RCOR1: variants seen among roughly 807,000 people sequenced by gnomAD.
RCOR1 encodes REST corepressor 1, also known as REST corepressor.
RCOR1 carries 12 observed loss-of-function variants against 64.0 expected under a neutral mutation model. That is an observed-to-expected ratio of 0.19 (90% confidence interval 0.12 to 0.30). RCOR1 has a LOEUF of 0.30. Among genes scored for constraint, RCOR1 ranks in the 10% least tolerant of loss-of-function variants. The pLI is 1.00. For synonymous variants in RCOR1, 279 were observed against 227.2 expected (o/e 1.23, Z -2.05); for missense variants, 502 against 621.2 (o/e 0.81, Z 2.04).
At chr14:102,726,424 CTACTCTTTG>C in intron 11 of RCOR1, 35 bp from the exon 12 acceptor site, 2 of 1,433,558 alleles carry the variant, frequency 1.4e-6, no homozygotes, top group Non-Finnish European at 1.9e-6. Flanking sequence ...TGTTGTTTAC[CTACTCTTTG>C]ATCCTTTTTT....
chr14:102,631,244 CT>C (rs1894105345), intron 2 of RCOR1, among the ~76,000 whole-genome samples: 1 of 151,518 alleles, frequency 6.6e-6, no homozygotes. Context: ...GCTGTGTCGC[CT>C]GGGCTGGAGT....
At chr14:102,693,278 G>A (rs1049811447) in intron 3 of RCOR1, among the ~76,000 whole-genome samples, 1 of 152,090 alleles carries the variant, frequency 6.6e-6, no homozygotes, top group Non-Finnish European at 1.5e-5. Context: ...TCTCTCTCCA[G>A]TCAGACATGC....
chr14:102,648,758 A>G (rs180962620), intron 2 of RCOR1, among the ~76,000 whole-genome samples: 7 of 152,336 alleles, frequency 4.6e-5, no homozygotes, highest in African/African-American at 1.7e-4. Context: ...CGTCTCTGAC[A>G]GTGAGAATCT....
intron 2 of RCOR1, among the ~76,000 whole-genome samples, chr14:102,597,660 G>A (rs1188881341): frequency 8.8e-5 from 9 of 102,670 alleles, no homozygotes; most frequent in African/African-American, 3.5e-4. Flanking sequence ...TTTTTGAAAT[G>A]GAGTCTTTCT....
At chr14:102,629,038 C>T (rs986005481) in intron 2 of RCOR1, among the ~76,000 whole-genome samples, 8 of 152,134 alleles carry the variant, frequency 5.3e-5, no homozygotes, top group Admixed American at 2.6e-4. Context: ...GGACTACAGG[C>T]GTGCGCCACC....
At chr14:102,598,981 T>G (rs942200848) in intron 2 of RCOR1, among the ~76,000 whole-genome samples, 1 of 152,176 alleles carries the variant, frequency 6.6e-6, no homozygotes, top group Non-Finnish European at 1.5e-5. Flanking sequence ...CCGCAGATTA[T>G]GCTGAGTTGT....
chr14:102,608,673 G>A (rs1893565325), intron 2 of RCOR1, among the ~76,000 whole-genome samples: 1 of 151,928 alleles, frequency 6.6e-6, no homozygotes, highest in African/African-American at 2.4e-5. Flanking sequence ...GACCTCAGGT[G>A]ATACACCTGT....
intron 2 of RCOR1, among the ~76,000 whole-genome samples, chr14:102,602,365 A>G (rs1051756594): frequency 2.1e-5 from 3 of 144,070 alleles, no homozygotes; most frequent in African/African-American, 5.2e-5. Context: ...AATGGCTTAT[A>G]TTAGCATTTT....
intron 3 of RCOR1, among the ~76,000 whole-genome samples, chr14:102,693,422 C>T (rs1327471160): frequency 6.6e-6 from 1 of 152,110 alleles, no homozygotes. Context: ...TATAAAAGAT[C>T]ACTGTGTTGC....
At chr14:102,692,757 T>TTCCTTCCTTCC (rs1491180654) in intron 3 of RCOR1, among the ~76,000 whole-genome samples, 5 of 49,396 alleles carry the variant, frequency 1.0e-4, no homozygotes, top group Non-Finnish European at 9.3e-5. Flanking sequence ...TCCTTCCTTC[T>TTCCTTCCTTCC]TTTTCTTTTT....
At chr14:102,712,629 G>A (rs1895982887) in intron 7 of RCOR1, among the ~76,000 whole-genome samples, 1 of 141,226 alleles carries the variant, frequency 7.1e-6, no homozygotes, top group Admixed American at 7.1e-5. Context: ...AAGTTGTATT[G>A]TTGAGTCAAC....
At chr14:102,669,643 A>G (rs1393185962) in intron 2 of RCOR1, among the ~76,000 whole-genome samples, 1 of 152,102 alleles carries the variant, frequency 6.6e-6, no homozygotes, top group African/African-American at 2.4e-5. Context: ...AGCTTACTTC[A>G]TCTCTCTGTG....
At chr14:102,604,645 C>CT (rs1323509679) in intron 2 of RCOR1, among the ~76,000 whole-genome samples, 2 of 152,048 alleles carry the variant, frequency 1.3e-5, no homozygotes, top group Non-Finnish European at 2.9e-5. Flanking sequence ...TAAGAGGCAC[C>CT]TTTATTTTAT....
chr14:102,653,052 C>T (rs1302582010), intron 2 of RCOR1, among the ~76,000 whole-genome samples: 1 of 152,110 alleles, frequency 6.6e-6, no homozygotes, highest in Non-Finnish European at 1.5e-5. Context: ...CCTGCCTCAG[C>T]CTCCCGAGTA....
chr14:102,601,573 G>T (rs1893398690), intron 2 of RCOR1, among the ~76,000 whole-genome samples: 1 of 152,194 alleles, frequency 6.6e-6, no homozygotes, highest in African/African-American at 2.4e-5. Context: ...AGAAGAGAGG[G>T]AAGGAATGAT....
chr14:102,678,910 C>T (rs1476868309), intron 2 of RCOR1, among the ~76,000 whole-genome samples: 1 of 152,076 alleles, frequency 6.6e-6, no homozygotes, highest in Non-Finnish European at 1.5e-5. Flanking sequence ...ATCTAATATA[C>T]CCCCTTTATA....
chr14:102,597,465 A>T (rs1893280075), intron 2 of RCOR1, among the ~76,000 whole-genome samples: 2 of 151,086 alleles, frequency 1.3e-5, no homozygotes, highest in Admixed American at 6.6e-5. Flanking sequence ...AGTAGCTGGG[A>T]TTACAGACGC....
chr14:102,685,441 A>G (rs984176380), intron 3 of RCOR1, among the ~76,000 whole-genome samples: 25 of 150,994 alleles, frequency 1.7e-4, no homozygotes, highest in Admixed American at 1.1e-3. Flanking sequence ...AAAAAACCTG[A>G]TCCGTAGAAT....
At chr14:102,712,639 C>T (rs1272909429) in intron 7 of RCOR1, among the ~76,000 whole-genome samples, 3 of 146,802 alleles carry the variant, frequency 2.0e-5, no homozygotes, top group South Asian at 2.1e-4. Context: ...GTTGAGTCAA[C>T]GTGTTCTAGA....
Sources: allele counts gnomAD v4.1 joint callset (sites outside exome capture counted in the v4.1 genomes callset), GRCh38; gene constraint gnomAD v4.1.1; transcripts MANE v1.5; gene names NCBI Gene and HGNC (gene_info 2026-07-23, HGNC 2026-07-21).